Variants in LSM1 observed in about 807,000 individuals in gnomAD.
LSM1 encodes U6 snRNA-associated Sm-like protein LSm1.
LSM1 carries 13 observed loss-of-function variants against 18.0 expected under a neutral mutation model. The ratio of observed to expected loss-of-function variants is 0.72; its 90% CI spans 0.47 to 1.15. The LOEUF is 1.15. Ranked by LOEUF, LSM1 falls within the 50% of genes most tolerant of loss-of-function variation. The probability of loss-of-function intolerance (pLI) is 0.00; values close to 1 mark genes in which losing one functional copy is unlikely to be tolerated. For missense variants in LSM1, 152 were observed against 157.7 expected (o/e 0.96, Z 0.19); for synonymous variants, 46 against 56.0 (o/e 0.82, Z 0.80).
chr8:38,176,563 C>T (rs1264173093), upstream of LSM1: 6 of 575,680 alleles, frequency 1.0e-5, no homozygotes, highest in Non-Finnish European at 1.8e-5. Context: ...CGTTGGGGGA[C>T]ACCCTTTCCC....
chr8:38,165,702 G>GAA (rs74598021), intron 3 of LSM1, among the ~76,000 whole-genome samples: 2 of 127,200 alleles, frequency 1.6e-5, no homozygotes, highest in Non-Finnish European at 1.7e-5. Flanking sequence ...GTCTCAAAAG[G>GAA]AAAAAAAAAA....
chr8:38,172,790 T>C (rs1803053222), intron 1 of LSM1, among the ~76,000 whole-genome samples: 1 of 152,204 alleles, frequency 6.6e-6, no homozygotes, highest in Non-Finnish European at 1.5e-5. Flanking sequence ...AGGCTTTAAA[T>C]AAAAACACAA....
chr8:38,176,722 G>A, upstream of LSM1: 3 of 1,088,548 alleles, frequency 2.8e-6, no homozygotes, highest in Non-Finnish European at 3.7e-6. Flanking sequence ...TTCGGGGTTC[G>A]GCAGCAGAAG....
intron 3 of LSM1, among the ~76,000 whole-genome samples, chr8:38,167,366 G>C (rs1228797508): frequency 1.3e-5 from 2 of 152,212 alleles, no homozygotes; most frequent in South Asian, 2.1e-4. Context: ...TCTTGAGAAA[G>C]GGTCTTGCTC....
At chr8:38,166,601 C>T (rs765301654) in intron 3 of LSM1, among the ~76,000 whole-genome samples, 15 of 152,088 alleles carry the variant, frequency 9.9e-5, no homozygotes, top group African/African-American at 2.2e-4. Flanking sequence ...AAGTTTGGGA[C>T]GGTACTGACA....
intron 1 of LSM1, among the ~76,000 whole-genome samples, 172 bp from the exon 2 acceptor site, chr8:38,172,205 A>G (rs2130646382): frequency 6.6e-6 from 1 of 152,132 alleles, no homozygotes. Flanking sequence ...TTTAGATAAC[A>G]TCAGTAGTGA....
chr8:38,170,043 T>C (rs1802998296), intron 2 of LSM1, 126 bp from the exon 3 acceptor site: 1 of 535,180 alleles, frequency 1.9e-6, no homozygotes, highest in South Asian at 2.8e-5. Context: ...CTAATTATTT[T>C]TATTTATTTA....
At chr8:38,175,388 A>G (rs551926399) in intron 1 of LSM1, among the ~76,000 whole-genome samples, 13 of 152,226 alleles carry the variant, frequency 8.5e-5, no homozygotes, top group Non-Finnish European at 1.9e-4. Flanking sequence ...AATTTTAACC[A>G]TAGATTCTAA....
intron 1 of LSM1, among the ~76,000 whole-genome samples, chr8:38,173,646 C>T (rs1478590373): frequency 1.3e-5 from 2 of 151,968 alleles, no homozygotes; most frequent in Admixed American, 6.6e-5. Context: ...TGAGACATCA[C>T]AAAACTATTT....
intron 3 of LSM1, among the ~76,000 whole-genome samples, chr8:38,169,200 GGTGT>G (rs137891613): frequency 6.6e-6 from 1 of 151,782 alleles, no homozygotes; most frequent in South Asian, 2.1e-4. Context: ...TTCTAGTAGG[GGTGT>G]GTGTGTGTAT....
rs1802876495 is a variant in LSM1 at position 38,163,509 on chromosome 8, C to T, written c.*161G>A. 3 of 598,202 alleles carry T rather than the reference C, an allele frequency of 5.0e-6. No individual in the cohort carries two copies. The highest frequency in any genetic ancestry group is 2.8e-5 in the South Asian group (1 of 36,280). 37.1% of individuals were successfully genotyped at this position (598,202 alleles called of 1,614,324 possible). A position where few individuals can be genotyped will look rare whatever the true frequency, so the allele number is the denominator to read the frequency against. On this transcript the variant is annotated 3_prime_UTR_variant, in exon 4 of 4. Transcript: ENST00000311351. ...ATTTTGTTATTAAAAAAAAAACCCA[C>T]CTACACGATTTCTTCATGTTGCATA...
chr8:38,168,591 CAA>C (rs34880510), intron 3 of LSM1, among the ~76,000 whole-genome samples: 3 of 100,450 alleles, frequency 3.0e-5, no homozygotes, highest in Non-Finnish European at 2.2e-5. Flanking sequence ...AACTCTGTCC[CAA>C]AAAAAAAAAA....
chr8:38,171,997 A>C lies in LSM1; in HGVS notation c.83T>G (p.Leu28Arg). The C allele has an allele frequency of 6.2e-7, 1 of 1,612,604 alleles. No individual in the cohort carries two copies. The highest frequency in any genetic ancestry group is 1.1e-5 in the South Asian group (1 of 90,852). Reference sequence around the variant, plus strand: ...ATCAATGCTTCTTAAAAAGCCTATAAGTGTCCTTCCATCTCGAAGCAGAAC... The same window carrying C: ...ATCAATGCTTCTTAAAAAGCCTATACGTGTCCTTCCATCTCGAAGCAGAAC... ...HLVLLRDGRT[L>R]IGFLRSIDQF... The change falls in exon 2 of 4, where the codon CTT becomes CGT. Residue 28 changes from leucine to arginine, a missense_variant. Leu to Arg is a moderately radical substitution (Grantham distance 102). Transcript: ENST00000311351.
At chr8:38,175,965 C>T (rs907915404) in intron 1 of LSM1, 3 of 308,990 alleles carry the variant, frequency 9.7e-6, no homozygotes, top group Admixed American at 5.3e-5. Flanking sequence ...AGCCCCCCCC[C>T]TCCCCGGGCT....
chr8:38,176,643 G>A, upstream of LSM1: 2 of 574,182 alleles, frequency 3.5e-6, no homozygotes, highest in South Asian at 2.6e-5. Context: ...TCCCTCTTAA[G>A]GAACACGGTG....
At chr8:38,169,115 C>T (rs1802984276) in intron 3 of LSM1, among the ~76,000 whole-genome samples, 1 of 152,050 alleles carries the variant, frequency 6.6e-6, no homozygotes, top group Admixed American at 6.6e-5. Context: ...ATTTTCCTTG[C>T]AAACCCAATA....
intron 2 of LSM1, chr8:38,170,821 A>G (rs921295157): frequency 2.6e-5 from 6 of 227,972 alleles, no homozygotes; most frequent in African/African-American, 1.3e-4. Flanking sequence ...CTTAAGAATC[A>G]GGACTCCAAT....
intron 2 of LSM1, 111 bp from the exon 3 acceptor site, chr8:38,170,028 G>A: frequency 1.7e-6 from 1 of 579,932 alleles, no homozygotes; most frequent in South Asian, 2.5e-5. Context: ...TGATTTCCAA[G>A]CTTTCTAATT....
At chr8:38,168,522 C>T (rs1361853039) in intron 3 of LSM1, among the ~76,000 whole-genome samples, 1 of 148,000 alleles carries the variant, frequency 6.8e-6, no homozygotes, top group Non-Finnish European at 1.5e-5. Flanking sequence ...ACCTGGGAGG[C>T]GGAAGTTGCA....
Sources: gnomAD v4.1 joint callset for allele counts (sites outside exome capture counted in the v4.1 genomes callset) on GRCh38, gnomAD v4.1.1 for gene constraint, MANE v1.5 for transcripts, NCBI Gene and HGNC (gene_info 2026-07-23, HGNC 2026-07-21) for gene names.